Variants in NREP observed in about 807,000 individuals in gnomAD.
NREP encodes the protein neuronal regeneration related protein, also known as neuronal regeneration-related protein.
In NREP, 5 loss-of-function variants were observed where a neutral mutation model predicts 8.6. That is an observed-to-expected ratio of 0.58 (90% CI 0.30 to 1.22). NREP has a LOEUF of 1.22. Ranked by LOEUF, NREP falls within the 50% of genes most tolerant of loss-of-function variation. The probability of loss-of-function intolerance (pLI) is 0.07; values close to 1 mark genes in which losing one functional copy is unlikely to be tolerated. For synonymous variants in NREP, 27 were observed against 28.0 expected, an observed-to-expected ratio of 0.96 and a Z score of 0.11; for missense variants, 86 against 82.5, an observed-to-expected ratio of 1.04 and a Z score of -0.17.
intron 2 of NREP, among the ~76,000 whole-genome samples, chr5:111,806,542 G>C (rs1406623705): frequency 6.6e-6 from 1 of 152,172 alleles, no homozygotes; most frequent in Non-Finnish European, 1.5e-5. Flanking sequence ...TATTTTGGGG[G>C]AGAGGTGAGT....
At chr5:111,945,423 C>A (rs1358922000) in intron 2 of NREP, among the ~76,000 whole-genome samples, 1 of 144,484 alleles carries the variant, frequency 6.9e-6, no homozygotes, top group Non-Finnish European at 1.5e-5. Context: ...CTAATGCTAT[C>A]CCTCACCCCT....
At chr5:111,771,158 T>G (rs1221476746) in intron 2 of NREP, among the ~76,000 whole-genome samples, 1 of 152,160 alleles carries the variant, frequency 6.6e-6, no homozygotes, top group Non-Finnish European at 1.5e-5. Flanking sequence ...ATGCTTCACA[T>G]AGTAGGTAAA....
intron 2 of NREP, among the ~76,000 whole-genome samples, chr5:111,854,336 T>A (rs1489483694): frequency 6.6e-6 from 1 of 152,134 alleles, no homozygotes; most frequent in African/African-American, 2.4e-5. Context: ...GGCCAACCTT[T>A]CCTTGGCTCT....
At chr5:111,840,242 C>A (rs1163206905) in intron 2 of NREP, among the ~76,000 whole-genome samples, 1 of 151,894 alleles carries the variant, frequency 6.6e-6, no homozygotes, top group Non-Finnish European at 1.5e-5. Flanking sequence ...AAAAAGAGAT[C>A]GGCTAGTATT....
intron 2 of NREP, among the ~76,000 whole-genome samples, chr5:111,897,934 T>C (rs1754551464): frequency 6.6e-6 from 1 of 152,340 alleles, no homozygotes; most frequent in Non-Finnish European, 1.5e-5. Context: ...GTTTAATTAA[T>C]GATTTTGAAT....
At chr5:111,847,630 G>A (rs1265708224) in intron 2 of NREP, among the ~76,000 whole-genome samples, 1 of 152,146 alleles carries the variant, frequency 6.6e-6, no homozygotes, top group Non-Finnish European at 1.5e-5. Context: ...AAAGTTATCT[G>A]TTAAATGCCA....
chr5:111,800,109 C>T (rs1695547), intron 2 of NREP, among the ~76,000 whole-genome samples: 83,740 of 147,050 alleles, frequency 0.57, 23,943 homozygotes, highest in East Asian at 0.75. Context: ...TTGTATTTTT[C>T]AGTAGAGACA....
At chr5:111,745,072 T>C (rs1426585653) in intron 2 of NREP, among the ~76,000 whole-genome samples, 1 of 152,114 alleles carries the variant, frequency 6.6e-6, no homozygotes, top group African/African-American at 2.4e-5. Context: ...TACAATCCAC[T>C]ATAATGTTTT....
chr5:111,805,907 TGA>T (rs34647390), intron 2 of NREP, among the ~76,000 whole-genome samples: 117,854 of 151,866 alleles, frequency 0.78, 45,882 homozygotes, highest in East Asian at 0.95. Flanking sequence ...TGAAAATTGT[TGA>T]GAGTATATTT....
intron 2 of NREP, among the ~76,000 whole-genome samples, chr5:111,735,730 A>G (rs1440223510): frequency 6.6e-6 from 1 of 152,356 alleles, no homozygotes; most frequent in East Asian, 1.9e-4. Flanking sequence ...GATTAAGTCC[A>G]ATAAAGCAGA....
intron 2 of NREP, among the ~76,000 whole-genome samples, chr5:111,803,494 T>A (rs1752064631): frequency 6.6e-6 from 1 of 152,202 alleles, no homozygotes; most frequent in Non-Finnish European, 1.5e-5. Flanking sequence ...TTCATTGCGT[T>A]CCTTTCAATT....
intron 2 of NREP, among the ~76,000 whole-genome samples, chr5:111,814,957 C>A (rs1490398928): frequency 2.4e-5 from 3 of 126,600 alleles, no homozygotes. Context: ...GATAAGTTAC[C>A]AAGAGGAAAA....
At chr5:111,960,225 C>T (rs527781485) in intron 2 of NREP, among the ~76,000 whole-genome samples, 32 of 152,272 alleles carry the variant, frequency 2.1e-4, no homozygotes, top group Non-Finnish European at 2.9e-5. Flanking sequence ...TGTGCATCTT[C>T]AATTGTTTTT....
intron 2 of NREP, among the ~76,000 whole-genome samples, chr5:111,795,533 T>C (rs1028442451): frequency 2.0e-5 from 3 of 152,218 alleles, no homozygotes; most frequent in African/African-American, 7.2e-5. Flanking sequence ...AGGACTTCTT[T>C]TAAAGAAAGA....
intron 2 of NREP, among the ~76,000 whole-genome samples, chr5:111,753,336 A>ATATG (rs1561648735): frequency 2.0e-5 from 3 of 146,750 alleles, no homozygotes; most frequent in Non-Finnish European, 4.5e-5. Context: ...GATTTTATAT[A>ATATG]TATATATATA....
chr5:111,798,663 G>C (rs190525141), intron 2 of NREP, among the ~76,000 whole-genome samples: 1 of 151,934 alleles, frequency 6.6e-6, no homozygotes. Flanking sequence ...TGGAATAATA[G>C]TCTTCAATTC....
Position 111,730,924 on chromosome 5 carries a change from A to C in NREP, c.204T>G (p.Phe68Leu). 1.2e-6 allele frequency: 2 copies of C among 1,613,866 alleles called. No individual in the cohort carries two copies. The highest frequency in any genetic ancestry group is 1.7e-6 in the Non-Finnish European group (2 of 1,179,820). Residue 68 changes from phenylalanine (F) to leucine (L), a missense_variant, in exon 4 of 4, where the codon TTT becomes TTG. Coordinates refer to ENST00000257435, the MANE Select transcript of NREP (RefSeq NM_004772.4). ...AATACAAATGGAGGTGTTACGATTAAAAAAAGTGGAGGTAACTGATTCTTG... is the reference window on the plus strand; with the variant it reads ...AATACAAATGGAGGTGTTACGATTACAAAAAGTGGAGGTAACTGATTCTTG... ...RSPRISYLHFF is the reference protein window; with the variant it reads ...RSPRISYLHFL
At chr5:111,798,426 T>C (rs751207503) in intron 2 of NREP, among the ~76,000 whole-genome samples, 2 of 152,120 alleles carry the variant, frequency 1.3e-5, no homozygotes, top group Non-Finnish European at 2.9e-5. Flanking sequence ...GTTACATAAG[T>C]TCTTTAGTGG....
At chr5:111,837,914 T>C (rs1467782713) in intron 2 of NREP, among the ~76,000 whole-genome samples, 2 of 152,008 alleles carry the variant, frequency 1.3e-5, no homozygotes, top group Non-Finnish European at 2.9e-5. Context: ...AGTATCAATA[T>C]AATACTTTCT....
Sources: gnomAD v4.1 joint callset for allele counts (sites outside exome capture counted in the v4.1 genomes callset) on GRCh38, gnomAD v4.1.1 for gene constraint, MANE v1.5 for transcripts, NCBI Gene and HGNC (gene_info 2026-07-23, HGNC 2026-07-21) for gene names.